Variants in TMIGD2 observed in about 807,000 individuals in gnomAD.
The protein encoded by TMIGD2 is transmembrane and immunoglobulin domain containing 2.
A neutral mutation model predicts 22.6 loss-of-function variants in TMIGD2; 18 were observed. The ratio of observed to expected loss-of-function variants is 0.80; its 90% CI spans 0.55 to 1.18. The LOEUF (loss-of-function observed/expected upper bound fraction) is 1.18. TMIGD2 is among the 50% of genes most tolerant of loss of function. TMIGD2 has a pLI of 0.00. For synonymous variants in TMIGD2, 184 were observed against 154.1 expected (o/e 1.19, Z -1.44); for missense variants, 361 against 378.2 (o/e 0.95, Z 0.38).
chr19:4,292,660 G>C, exon 5 of TMIGD2: 1 of 1,609,912 alleles, frequency 6.2e-7, no homozygotes, highest in Non-Finnish European at 8.5e-7. Context: ...GCTTGGTCTA[G>C]GAGAGACCCT....
At chr19:4,297,317 C>T (rs1383993045) in intron 2 of TMIGD2, among the ~76,000 whole-genome samples, 1 of 151,956 alleles carries the variant, frequency 6.6e-6, no homozygotes, top group Non-Finnish European at 1.5e-5. Context: ...GATCCACCCA[C>T]CTTGGCCTTC....
rs1288554932 is a variant in TMIGD2 at position 4,294,560 on chromosome 19, C to T, written c.562+7G>A. 2.3e-5 allele frequency: 37 copies of T among 1,611,488 alleles called. No individual in the cohort carries two copies. The highest frequency in any genetic ancestry group is 3.1e-5 in the Non-Finnish European group (37 of 1,179,012). On this transcript the variant is annotated splice_region_variant and intron_variant, in intron 4 of 4. Coordinates refer to ENST00000301272, the Ensembl canonical transcript of TMIGD2. ...GTTCCCACCTCCTCCGCCCTACCCT[C>T]CCTTACCTGGGCTGTTACCTGAGTC...
At chr19:4,299,376 G>T (rs1971504874) in intron 1 of TMIGD2, among the ~76,000 whole-genome samples, 1 of 151,794 alleles carries the variant, frequency 6.6e-6, no homozygotes, top group African/African-American at 2.4e-5. Context: ...GAATTCCTGG[G>T]CTCAAGTGAT....
At chr19:4,293,444 C>T (rs372083267) in intron 4 of TMIGD2, among the ~76,000 whole-genome samples, 26 of 145,668 alleles carry the variant, frequency 1.8e-4, no homozygotes, top group African/African-American at 2.9e-4. Flanking sequence ...GTATTTTTAG[C>T]AGAGATGGGG....
Position 4,298,354 on chromosome 19 carries a change from C to T in TMIGD2, c.47-9G>A, listed in dbSNP as rs148287452. ...TGAGGCTTCTTGCAGGGCTGGAGGA[C>T]AGAAGAGGTAGAGGCGACCTTTCTG... is the stretch of plus-strand genomic sequence containing the variant. On this transcript the variant is annotated splice_polypyrimidine_tract_variant and intron_variant, in intron 1 of 4. Transcript: ENST00000301272. 61 of 1,556,098 alleles carry T rather than the reference C, an allele frequency of 3.9e-5. No homozygotes were observed. In the East Asian group the frequency reaches 1.4e-3, roughly 35 times the overall value.
exon 2 of TMIGD2, chr19:4,298,049 C>T: frequency 6.2e-7 from 1 of 1,613,362 alleles, no homozygotes; most frequent in African/African-American, 1.3e-5. Flanking sequence ...ATCTCTACGG[C>T]CGCCCAGCAC....
intron 2 of TMIGD2, among the ~76,000 whole-genome samples, chr19:4,297,310 C>A (rs1325945156): frequency 6.6e-6 from 1 of 151,956 alleles, no homozygotes; most frequent in African/African-American, 2.4e-5. Flanking sequence ...CTCAGGTGAT[C>A]CACCCACCTT....
At chr19:4,299,857 G>C (rs1971512186) in intron 1 of TMIGD2, among the ~76,000 whole-genome samples, 1 of 150,476 alleles carries the variant, frequency 6.6e-6, no homozygotes, top group Non-Finnish European at 1.5e-5. Flanking sequence ...CTGCACTCTA[G>C]CTTGGGCAAC....
At chr19:4,301,618 C>T (rs934393706) in intron 1 of TMIGD2, among the ~76,000 whole-genome samples, 6 of 152,170 alleles carry the variant, frequency 3.9e-5, no homozygotes, top group East Asian at 3.9e-4. Flanking sequence ...TGCAGTCAAC[C>T]GAGATCGCGT....
intron 2 of TMIGD2, among the ~76,000 whole-genome samples, chr19:4,295,563 A>T (rs546582242): frequency 6.9e-4 from 105 of 152,084 alleles, no homozygotes; most frequent in Non-Finnish European, 1.0e-3. Flanking sequence ...GTCTCGAAAA[A>T]AAAAAAGAAA....
At chr19:4,301,520 A>T (rs189624082) in intron 1 of TMIGD2, among the ~76,000 whole-genome samples, 2 of 152,196 alleles carry the variant, frequency 1.3e-5, no homozygotes, top group African/African-American at 2.4e-5. Flanking sequence ...TACAAAAAAA[A>T]TTAGCCAGGC....
intron 2 of TMIGD2, 68 bp from the exon 3 acceptor site, chr19:4,294,884 G>T (rs1200824761): frequency 7.7e-6 from 11 of 1,431,632 alleles, no homozygotes; most frequent in Middle Eastern, 1.8e-4. Context: ...GAGCTCACTT[G>T]GGGGGACCTA....
chr19:4,294,723 G>A, intron 3 of TMIGD2, 43 bp from the exon 4 acceptor site: 2 of 1,571,814 alleles, frequency 1.3e-6, no homozygotes, highest in Non-Finnish European at 1.7e-6. Flanking sequence ...GAGGGGAAGG[G>A]GTGGTGATGC....
chr19:4,296,143 T>C lies in TMIGD2; in HGVS notation c.407-1327A>G, dbSNP rs182818791. ...TGTGTTGGCCAAGCTGGTCTCGACC[T>C]CCTGGCCTCAAACAATCCTCCCACC... On this transcript the variant is annotated intron_variant, in intron 2 of 4. Coordinates refer to ENST00000301272, the Ensembl canonical transcript of TMIGD2. Among the ~76,000 whole-genome samples the C allele has an allele frequency of 4.4e-3, 671 of 152,262 alleles. 6 individuals carry two copies. Among genetic ancestry groups the C allele is most frequent in the African/African-American group, 0.015 (634 of 41,568 alleles).
chr19:4,297,859 A>T (rs1310296590), intron 2 of TMIGD2, 127 bp downstream of exon 2: 3 of 6,962 alleles, frequency 4.3e-4, no homozygotes, highest in South Asian at 3.4e-3. Context: ...TCTGTCTCTT[A>T]AAAAAAAAAA....
chr19:4,301,906 A>T (rs1381092951), intron 1 of TMIGD2, among the ~76,000 whole-genome samples: 5 of 152,158 alleles, frequency 3.3e-5, no homozygotes, highest in Non-Finnish European at 7.3e-5. Context: ...AGTTGAGGTT[A>T]TGTGAAGTTC....
At chr19:4,292,762 G>A (rs201023371) in exon 5 of TMIGD2, 285 of 1,610,858 alleles carry the variant, frequency 1.8e-4, no homozygotes, top group Non-Finnish European at 9.4e-5. Flanking sequence ...GCGGGGGGCC[G>A]GTTGCGGGAA....
intron 2 of TMIGD2, 103 bp downstream of exon 2, chr19:4,297,883 T>G: frequency 7.3e-7 from 1 of 1,370,874 alleles, no homozygotes; most frequent in Admixed American, 2.7e-5. Context: ...AAGTTTGATA[T>G]GAAGAATTTA....
At chr19:4,292,565 T>C in exon 5 of TMIGD2, 2 of 1,590,684 alleles carry the variant, frequency 1.3e-6, no homozygotes, top group Non-Finnish European at 1.7e-6. Context: ...TGTGTACCTA[T>C]GGGTGGGGTC....
Sources: gnomAD v4.1 joint callset for allele counts (sites outside exome capture counted in the v4.1 genomes callset) on GRCh38, gnomAD v4.1.1 for gene constraint, MANE v1.5 for transcripts, NCBI Gene and HGNC (gene_info 2026-07-23, HGNC 2026-07-21) for gene names.